Variants in DGKB observed in about 807,000 individuals in gnomAD.
The protein encoded by DGKB is 90 kDa diacylglycerol kinase.
DGKB carries 67 observed loss-of-function variants against 114.3 expected under a neutral mutation model. That is an observed-to-expected ratio of 0.59 (90% CI 0.48 to 0.72). DGKB has a LOEUF of 0.72. DGKB is among the 30% of genes least tolerant of loss of function. The pLI is 0.00. For missense variants in DGKB, 907 were observed against 975.2 expected (o/e 0.93, Z 0.93); for synonymous variants, 398 against 323.1 (o/e 1.23, Z -2.49).
chr7:14,233,112 G>A (rs1373218114), intron 23 of DGKB, among the ~76,000 whole-genome samples: 1 of 151,982 alleles, frequency 6.6e-6, no homozygotes, highest in Non-Finnish European at 1.5e-5. Flanking sequence ...GGCTTGAGTT[G>A]GAAGACAGAG....
At chr7:14,358,202 C>T (rs1030504650) in intron 21 of DGKB, among the ~76,000 whole-genome samples, 1 of 152,180 alleles carries the variant, frequency 6.6e-6, no homozygotes, top group Admixed American at 6.5e-5. Flanking sequence ...AACTTGGTTT[C>T]ATTCTCCCCG....
At chr7:14,405,126 C>A (rs1823738328) in intron 21 of DGKB, among the ~76,000 whole-genome samples, 3 of 151,338 alleles carry the variant, frequency 2.0e-5, no homozygotes, top group Admixed American at 6.6e-5. Context: ...ATTATTCTGC[C>A]TCAAGTTTCT....
At chr7:14,973,767 T>G (rs1163542301) in intron 1 of DGKB, among the ~76,000 whole-genome samples, 1 of 149,366 alleles carries the variant, frequency 6.7e-6, no homozygotes, top group Non-Finnish European at 1.5e-5. Context: ...CACATTGTCT[T>G]AATTGACCAA....
intron 1 of DGKB, among the ~76,000 whole-genome samples, chr7:14,916,563 A>G (rs1433737567): frequency 6.6e-6 from 1 of 152,164 alleles, no homozygotes; most frequent in Non-Finnish European, 1.5e-5. Context: ...TAGGCATTAC[A>G]TAAGGATGAA....
intron 20 of DGKB, among the ~76,000 whole-genome samples, chr7:14,564,886 G>A (rs1390773042): frequency 1.3e-5 from 2 of 151,898 alleles, no homozygotes; most frequent in African/African-American, 2.4e-5. Flanking sequence ...TAAACCTCAA[G>A]GCTTTATCCT....
At chr7:14,481,268 A>C (rs1170152479) in intron 20 of DGKB, among the ~76,000 whole-genome samples, 1 of 151,914 alleles carries the variant, frequency 6.6e-6, no homozygotes. Context: ...TTATGTTTTA[A>C]GTAAAATTGC....
chr7:14,567,483 T>G (rs1445159074), intron 20 of DGKB, among the ~76,000 whole-genome samples: 2 of 70,772 alleles, frequency 2.8e-5, no homozygotes, highest in Non-Finnish European at 5.3e-5. Flanking sequence ...ATTATATATA[T>G]TTATATATTA....
At chr7:14,204,098 G>A (rs1208095735) in intron 23 of DGKB, among the ~76,000 whole-genome samples, 1 of 151,918 alleles carries the variant, frequency 6.6e-6, no homozygotes, top group Non-Finnish European at 1.5e-5. Flanking sequence ...TTCTTAGACA[G>A]GGAGAAAATG....
intron 1 of DGKB, among the ~76,000 whole-genome samples, chr7:14,946,015 T>A (rs1043851568): frequency 6.6e-6 from 1 of 151,634 alleles, no homozygotes; most frequent in African/African-American, 2.4e-5. Context: ...TCCTTTCAGA[T>A]GTCTCAAAAT....
At chr7:14,774,742 T>C (rs1399859582) in intron 2 of DGKB, among the ~76,000 whole-genome samples, 4 of 152,208 alleles carry the variant, frequency 2.6e-5, no homozygotes, top group Admixed American at 2.0e-4. Flanking sequence ...GCAGCAAATT[T>C]ATCTCAATTT....
chr7:14,762,465 C>T (rs977609898), intron 2 of DGKB, among the ~76,000 whole-genome samples: 2 of 151,966 alleles, frequency 1.3e-5, no homozygotes, highest in African/African-American at 2.4e-5. Context: ...GAATTTTTAA[C>T]GATTTTCAAG....
intron 4 of DGKB, chr7:14,750,191 A>G (rs778286611): frequency 3.9e-5 from 20 of 516,044 alleles, no homozygotes; most frequent in Non-Finnish European, 1.5e-5. Flanking sequence ...TCTAGCTTCA[A>G]TGCACATTAT....
intron 1 of DGKB, among the ~76,000 whole-genome samples, chr7:14,859,561 T>C (rs925155721): frequency 1.3e-5 from 2 of 152,064 alleles, no homozygotes; most frequent in Admixed American, 6.6e-5. Context: ...ATAGAAGCAA[T>C]GGCATAAAAG....
At chr7:14,928,025 A>C (rs1438746683) in intron 1 of DGKB, among the ~76,000 whole-genome samples, 1 of 151,994 alleles carries the variant, frequency 6.6e-6, no homozygotes, top group Non-Finnish European at 1.5e-5. Context: ...TCTAGATGAC[A>C]TGAGAAGTGT....
intron 2 of DGKB, among the ~76,000 whole-genome samples, chr7:14,785,527 T>C (rs1446020340): frequency 6.6e-6 from 1 of 152,010 alleles, no homozygotes; most frequent in Non-Finnish European, 1.5e-5. Context: ...AATTAAATTA[T>C]ATCCATTCAC....
intron 23 of DGKB, among the ~76,000 whole-genome samples, chr7:14,272,433 A>C (rs749923043): frequency 6.6e-6 from 1 of 152,344 alleles, no homozygotes; most frequent in East Asian, 1.9e-4. Flanking sequence ...GCATTTTATA[A>C]ATCTTTATAG....
At chr7:14,916,374 T>C (rs918696293) in intron 1 of DGKB, among the ~76,000 whole-genome samples, 2 of 152,058 alleles carry the variant, frequency 1.3e-5, no homozygotes, top group Non-Finnish European at 2.9e-5. Flanking sequence ...TTTAATATGA[T>C]TGATCTAAAT....
At chr7:14,948,055 A>G (rs1307419579) in intron 1 of DGKB, among the ~76,000 whole-genome samples, 1 of 151,778 alleles carries the variant, frequency 6.6e-6, no homozygotes, top group Non-Finnish European at 1.5e-5. Flanking sequence ...TAAAGTTAAT[A>G]TATTGGCGAT....
At chr7:14,670,300 TAC>T (rs1458331306) in intron 13 of DGKB, among the ~76,000 whole-genome samples, 2 of 145,800 alleles carry the variant, frequency 1.4e-5, no homozygotes, top group Admixed American at 6.8e-5. Context: ...TATATATATA[TAC>T]ACACACACAT....
Sources: allele counts gnomAD v4.1 joint callset (sites outside exome capture counted in the v4.1 genomes callset), GRCh38; gene constraint gnomAD v4.1.1; transcripts MANE v1.5; gene names NCBI Gene and HGNC (gene_info 2026-07-23, HGNC 2026-07-21).